Variants in MTSS1 observed in about 807,000 individuals in gnomAD.
The protein encoded by MTSS1 is protein MTSS 1.
A neutral mutation model predicts 79.0 loss-of-function variants in MTSS1; 18 were observed. The observed-to-expected ratio is 0.23, with a 90% CI of 0.16 to 0.34. The LOEUF (loss-of-function observed/expected upper bound fraction) is 0.34, where lower values mean the gene tolerates loss of function less well. MTSS1 is among the 10% of genes least tolerant of loss of function. The pLI, the probability that MTSS1 is intolerant of heterozygous loss-of-function variation, is 1.00. For missense variants in MTSS1, 815 were observed against 986.2 expected, an observed-to-expected ratio of 0.83 and a Z score of 2.33; for synonymous variants, 341 against 368.6, an observed-to-expected ratio of 0.93 and a Z score of 0.86.
chr8:124,708,647 C>T (rs1830718623), intron 1 of MTSS1, among the ~76,000 whole-genome samples: 4 of 152,160 alleles, frequency 2.6e-5, no homozygotes, highest in Admixed American at 2.6e-4. Context: ...GAAGAAACTT[C>T]TTATCTGCCC....
chr8:124,612,806 G>A (rs980062251), intron 3 of MTSS1, among the ~76,000 whole-genome samples: 2 of 151,988 alleles, frequency 1.3e-5, no homozygotes, highest in South Asian at 2.1e-4. Context: ...GTTGGAAAAC[G>A]AGATTAAACA....
chr8:124,704,115 T>C lies in MTSS1; in HGVS notation c.134+15A>G, dbSNP rs1308319120. 4 of 1,611,836 alleles carry C rather than the reference T, an allele frequency of 2.5e-6. No homozygotes were observed. The highest frequency in any genetic ancestry group is 3.4e-6 in the Non-Finnish European group (4 of 1,178,082). The stretch of plus-strand genomic sequence containing the variant: ...GATGTTGTCCTTTTCCTGTAGAACA[T>C]GTGCTTCTACTTACCGAAGCTGGGA... On this transcript the variant is annotated intron_variant, in intron 2 of 13. Transcript: ENST00000518547.
rs758666135 is a variant in MTSS1, at chr8:124,597,894, T to C, written c.209-6659A>G. On this transcript the variant is annotated intron_variant, in intron 3 of 13. Coordinates refer to ENST00000518547, the MANE Select transcript of MTSS1 (RefSeq NM_014751.6). The surrounding 1 kb of genome is among the most constrained non-coding windows in gnomAD (Gnocchi z 4.6). ...CTCAGGCATCTCTGCAGGAGAGGGG[T>C]GCAGGGCAGGAGAGTTCACTAGAGT... 2.6e-5 allele frequency among the ~76,000 whole-genome samples: 4 copies of C among 152,068 alleles called. No individual in the cohort carries two copies. Among genetic ancestry groups the C allele is most frequent in the Non-Finnish European group, 4.4e-5 (3 of 67,990 alleles).
intron 3 of MTSS1, among the ~76,000 whole-genome samples, chr8:124,654,100 G>A (rs922389539): frequency 2.0e-5 from 3 of 152,148 alleles, no homozygotes; most frequent in African/African-American, 7.2e-5. Flanking sequence ...TACCCCACAC[G>A]AGGGTAATGA....
intron 3 of MTSS1, among the ~76,000 whole-genome samples, chr8:124,688,555 A>G (rs1197586420): frequency 6.6e-6 from 1 of 152,228 alleles, no homozygotes; most frequent in African/African-American, 2.4e-5. Flanking sequence ...AAGAGCTAAA[A>G]GAAAACAAAA....
At chr8:124,594,839 T>G (rs542149630) in intron 3 of MTSS1, among the ~76,000 whole-genome samples, 19 of 152,350 alleles carry the variant, frequency 1.2e-4, no homozygotes, top group East Asian at 9.6e-4. Flanking sequence ...CATCTTATGC[T>G]CTTCCTAACC....
chr8:124,577,252 A>T (rs1829136663), intron 6 of MTSS1, among the ~76,000 whole-genome samples: 1 of 152,134 alleles, frequency 6.6e-6, no homozygotes, highest in South Asian at 2.1e-4. Flanking sequence ...CTTTGCAGTA[A>T]ATTTCTTTTA....
At chr8:124,577,076 C>T (rs537761966) in intron 6 of MTSS1, among the ~76,000 whole-genome samples, 179 of 152,248 alleles carry the variant, frequency 1.2e-3, no homozygotes, top group African/African-American at 4.1e-3. Flanking sequence ...GTTGTGTCTA[C>T]GTGAGGTTTT....
chr8:124,565,856 C>T (rs552191753), intron 8 of MTSS1, 97 bp from the exon 9 acceptor site: 11 of 1,009,340 alleles, frequency 1.1e-5, no homozygotes, highest in South Asian at 5.0e-5. Context: ...ACGCTGCCAT[C>T]GTGGGGGTGG....
rs1833873795 is a variant in MTSS1 at position 124,727,396 on chromosome 8, A to AGGGAC, written c.72+483_72+487dup. ...CTCCAAGTAGACCTGACAGCCAAGG[A>AGGGAC]GGGACTGGCTTTCCCTCTCAGTCTC... On this transcript the variant is annotated intron_variant, in intron 1 of 13. Transcript: ENST00000518547. This position sits in a 1 kb window ranked among gnomAD's most constrained non-coding sequence, Gnocchi z 4.7. Among the ~76,000 whole-genome samples the AGGGAC allele has an allele frequency of 6.6e-6, 1 of 152,142 alleles. No individual in the cohort carries two copies. The highest frequency in any genetic ancestry group is 1.5e-5 in the Non-Finnish European group (1 of 68,000).
In MTSS1 at chr8:124,605,563, T is replaced by TCGCACTGCCTCCCTCCCTGCC. The variant is rs1182377360; in HGVS notation, c.209-14329_209-14328insGGCAGGGAGGGAGGCAGTGCG. Reference sequence around the variant, plus strand: ...CCTCGCACTGCCTCCCTCCCTGCCCTCTCGCTGCCTCCCTCCCTGCCCTCT... The same window carrying TCGCACTGCCTCCCTCCCTGCC: ...CCTCGCACTGCCTCCCTCCCTGCCCTCGCACTGCCTCCCTCCCTGCCCTCGCTGCCTCCCTCCCTGCCCTCT... On this transcript the variant is annotated intron_variant, in intron 3 of 13. Transcript: ENST00000518547. Among the ~76,000 whole-genome samples the TCGCACTGCCTCCCTCCCTGCC allele has an allele frequency of 2.3e-5, 3 of 130,956 alleles. No individual in the cohort carries two copies. The South Asian group carries it at 6.7e-4, about 29-fold the overall frequency. The allele number at this position is 130,956 out of a possible 152,430, so 85.9% of individuals were successfully genotyped here.
intron 1 of MTSS1, among the ~76,000 whole-genome samples, chr8:124,726,319 GA>G (rs1226725533): frequency 2.0e-5 from 3 of 152,158 alleles, no homozygotes; most frequent in Non-Finnish European, 4.4e-5. Context: ...AGAACAAAGA[GA>G]AAAAACTCCA....
At chr8:124,667,517 G>T (rs897016416) in intron 3 of MTSS1, among the ~76,000 whole-genome samples, 1 of 152,100 alleles carries the variant, frequency 6.6e-6, no homozygotes, top group African/African-American at 2.4e-5. Flanking sequence ...GGTGGTGCAT[G>T]CCTGTAATCC....
rs748461204 is a variant in MTSS1 at position 124,556,338 on chromosome 8, C to G, written c.1298G>C (p.Arg433Pro). 2.5e-6 allele frequency: 4 copies of G among 1,614,084 alleles called. No homozygotes were observed. The highest frequency in any genetic ancestry group is 1.3e-5 in the African/African-American group (1 of 74,952). Reference protein sequence around the residue: ...VNTLQRRKEKREPDPNGGGPT... With the variant: ...VNTLQRRKEKPEPDPNGGGPT... ...TCCTCCCCCGTTGGGGTCCGGTTCT[C>G]GCTTCTCTTTGCGGCGCTGCAGGGT... Residue 433 changes from arginine to proline, a missense_variant, in exon 12 of 14, where the codon CGA becomes CCA. By Grantham distance (103) the Arg-to-Pro change is moderately radical. Around this residue, in one of 2 missense-constraint regions of MTSS1, gnomAD observed 590 missense variants for 620.8 expected, o/e 0.95. Coordinates refer to ENST00000518547, the MANE Select transcript of MTSS1 (RefSeq NM_014751.6).
chr8:124,721,755 A>AG (rs1013577230), intron 1 of MTSS1, among the ~76,000 whole-genome samples: 6 of 152,156 alleles, frequency 3.9e-5, no homozygotes, highest in African/African-American at 1.4e-4. Flanking sequence ...GGACATCACC[A>AG]GAATTACCTG....
chr8:124,682,528 G>A (rs144596176), intron 3 of MTSS1, among the ~76,000 whole-genome samples: 50 of 152,288 alleles, frequency 3.3e-4, no homozygotes, highest in African/African-American at 1.1e-3. Context: ...TGAGCCTCAC[G>A]GAACAGGCAG....
intron 13 of MTSS1, among the ~76,000 whole-genome samples, chr8:124,554,307 A>G (rs1045679400): frequency 6.6e-6 from 1 of 152,102 alleles, no homozygotes; most frequent in Non-Finnish European, 1.5e-5. Context: ...TGGGCTGGAT[A>G]GTTCTTTGTT....
chr8:124,566,526 C>T (rs1001197702), intron 8 of MTSS1, among the ~76,000 whole-genome samples: 6 of 152,122 alleles, frequency 3.9e-5, no homozygotes, highest in African/African-American at 1.4e-4. Flanking sequence ...CCATAGTGTG[C>T]GTGTGATGTG....
At position 124,567,065 on chromosome 8, in the gene MTSS1, G is replaced by A. The variant is rs192746567; in HGVS notation, c.726+6C>T. The A allele has an allele frequency of 5.6e-4, 903 of 1,601,210 alleles. 2 individuals carry two copies. Among genetic ancestry groups the A allele is most frequent in the Middle Eastern group, 2.3e-3 (14 of 6,028 alleles). ...ATCCTGTAAGTGCTTAACCCCTGAA[G>A]CCTACCTGTTCACTTGAGGAGGGCA... is the stretch of plus-strand genomic sequence containing the variant. On this transcript the variant is annotated splice_donor_region_variant and intron_variant, in intron 8 of 13. Coordinates refer to ENST00000518547, the MANE Select transcript of MTSS1 (RefSeq NM_014751.6).
Sources: gnomAD v4.1 joint callset for allele counts (sites outside exome capture counted in the v4.1 genomes callset) on GRCh38, gnomAD v4.1.1 for gene constraint, gnomAD v4.1.1 regional missense constraint, Gnocchi (gnomAD v3.1) non-coding constraint, MANE v1.5 for transcripts, NCBI Gene and HGNC (gene_info 2026-07-23, HGNC 2026-07-21) for gene names.